ADGRG1: variants seen among roughly 807,000 people sequenced by gnomAD.
The protein encoded by ADGRG1 is adhesion G protein-coupled receptor G1.
In ADGRG1, 53 loss-of-function variants were observed where a neutral mutation model predicts 73.5. That is an observed-to-expected ratio of 0.72 (90% confidence interval 0.58 to 0.91). The LOEUF (loss-of-function observed/expected upper bound fraction) is 0.91, where lower values mean the gene tolerates loss of function less well. Among genes scored for constraint, ADGRG1 ranks in the 40% least tolerant of loss-of-function variants. The probability of loss-of-function intolerance (pLI) is 0.00; values close to 1 mark genes in which losing one functional copy is unlikely to be tolerated. For synonymous variants in ADGRG1, 394 were observed against 374.4 expected (o/e 1.05, Z -0.60); for missense variants, 795 against 871.8 (o/e 0.91, Z 1.11).
rs755004355 is a variant in ADGRG1 at position 57,651,564 on chromosome 16, G to A, written c.429G>A (p.Trp143Ter). The change falls in exon 3 of 14, where the codon TGG (tryptophan) becomes TGA (stop). Residue 143 changes from tryptophan (W) to a stop codon, truncating the protein, a stop_gained. Coordinates refer to ENST00000562631, the MANE Select transcript of ADGRG1 (RefSeq NM_201525.4). LOFTEE classifies it high-confidence loss of function. ...TGTTAGCCACTTCTGTCACCTCCTG[G>A]TGGAGCCCTCAGAACATCAGCCTGC... ...PPLLATSVTS[W>*]WSPQNISLPS... The A allele has an allele frequency of 3.1e-6, 5 of 1,614,156 alleles. No individual in the cohort carries two copies. The highest frequency in any genetic ancestry group is 1.3e-5 in the African/African-American group (1 of 75,054).
chr16:57,656,531 T>C lies in ADGRG1; in HGVS notation c.1081T>C (p.Trp361Arg). The part of the protein sequence containing the change: ...EDPTLSSPGH[W>R]SSAGCETVRR... ...CTCCTCAGTGAGCAGCCCGGGGCAT[T>C]GGAGCAGTGCTGGGTGTGAGACCGT... Residue 361 changes from tryptophan (W) to arginine (R), a missense_variant, in exon 9 of 14, where the codon TGG (tryptophan) becomes CGG (arginine). Coordinates refer to ENST00000562631, the MANE Select transcript of ADGRG1 (RefSeq NM_201525.4). 1 of 1,613,430 alleles carries C rather than the reference T, an allele frequency of 6.2e-7. No homozygotes were observed. Among genetic ancestry groups the C allele is most frequent in the Non-Finnish European group, 8.5e-7 (1 of 1,179,392 alleles).
intron 1 of ADGRG1, chr16:57,641,212 C>A: frequency 1.1e-6 from 1 of 885,152 alleles, no homozygotes; most frequent in Non-Finnish European, 1.4e-6. Flanking sequence ...AGGCTGGCCT[C>A]AAGATTCCAG....
intron 1 of ADGRG1, chr16:57,631,360 C>T: frequency 1.0e-6 from 1 of 985,934 alleles, no homozygotes; most frequent in Non-Finnish European, 1.2e-6. Context: ...TGTGCAGAAG[C>T]TGTGTGCAGG....
At position 57,661,270 on chromosome 16, in the gene ADGRG1, G is replaced by C. The variant is rs984643086; in HGVS notation, c.1664+394G>C. 3.2e-5 allele frequency: 32 copies of C among 985,068 alleles called. No homozygotes were observed. The Admixed American group carries it at 1.2e-3, about 36-fold the overall frequency. The allele number at this position is 985,068 out of a possible 1,614,324, so 61.0% of individuals were successfully genotyped here. On this transcript the variant is annotated intron_variant, in intron 12 of 13. Transcript: ENST00000562631. ...CACACTGAGGGCTGGTGTGCTGTTC[G>C]GAGGCAGAGGATGAGTGGGGTTGAA... is the stretch of plus-strand genomic sequence containing the variant.
chr16:57,641,025 C>T (rs915645332), intron 1 of ADGRG1: 26 of 985,318 alleles, frequency 2.6e-5, no homozygotes, highest in Admixed American at 6.2e-5. Flanking sequence ...TCAGGGGAGA[C>T]GGTTCAGCAT....
At chr16:57,644,530 C>T (rs1184133659) in intron 1 of ADGRG1, among the ~76,000 whole-genome samples, 2 of 145,260 alleles carry the variant, frequency 1.4e-5, no homozygotes, top group Non-Finnish European at 3.0e-5. Context: ...ACTCATCACA[C>T]ACATGCGCAG....
intron 1 of ADGRG1, chr16:57,642,635 A>G (rs1347157005): frequency 3.0e-6 from 3 of 984,572 alleles, no homozygotes; most frequent in Non-Finnish European, 3.6e-6. Context: ...ATGGCCCACA[A>G]GCATTTCTCT....
At chr16:57,660,499 G>C (rs2046823876) in intron 11 of ADGRG1, 4 of 755,122 alleles carry the variant, frequency 5.3e-6, no homozygotes, top group Non-Finnish European at 6.5e-6. Flanking sequence ...CTGCAGCAGA[G>C]ACCCACAGGC....
At chr16:57,634,354 T>C in intron 1 of ADGRG1, 1 of 985,356 alleles carries the variant, frequency 1.0e-6, no homozygotes, top group Non-Finnish European at 1.2e-6. Context: ...CCCTGAGTCA[T>C]GCTCAGCCCT....
intron 1 of ADGRG1, chr16:57,630,538 G>GTCGGGTGATGGAGAACGCCGCT (rs2037531324): frequency 8.1e-6 from 8 of 985,394 alleles, no homozygotes; most frequent in Non-Finnish European, 9.6e-6. Context: ...CTCCGAGAGT[G>GTCGGGTGATGGAGAACGCCGCT]TCGGGTGATG....
intron 8 of ADGRG1, 22 bp from the exon 9 acceptor site, chr16:57,656,492 C>T (rs1417049690): frequency 1.3e-6 from 2 of 1,591,794 alleles, no homozygotes; most frequent in Admixed American, 1.7e-5. Flanking sequence ...TTGATTGGAG[C>T]CCCGTGCTGT....
In ADGRG1 at chr16:57,650,747, C is replaced by T. The variant is rs187835631; in HGVS notation, c.64+396C>T. On this transcript the variant is annotated intron_variant, in intron 2 of 13. Coordinates refer to ENST00000562631, the MANE Select transcript of ADGRG1 (RefSeq NM_201525.4). ...TTTTTGAGACGGAGTCTTGCTCTGT[C>T]GCCCAGGCTGGAGTGCAGTGGCGGG... Among the ~76,000 whole-genome samples the T allele has an allele frequency of 1.1e-3, 136 of 129,508 alleles. No individual in the cohort carries two copies. The East Asian group carries it at 0.028, about 27-fold the overall frequency. 85.0% of individuals were successfully genotyped at this position (129,508 alleles called of 152,430 possible). A position where few individuals can be genotyped will look rare whatever the true frequency, so the allele number is the denominator to read the frequency against.
chr16:57,629,104 A>G (rs2036984258), intron 1 of ADGRG1: 2 of 841,608 alleles, frequency 2.4e-6, no homozygotes, highest in Non-Finnish European at 2.9e-6. Flanking sequence ...GTAAGTGTGG[A>G]TGTGTGCATC....
At chr16:57,639,920 C>T (rs1281784576) in intron 1 of ADGRG1, 1 of 944,472 alleles carries the variant, frequency 1.1e-6, no homozygotes, top group African/African-American at 1.8e-5. Context: ...GATGGTACTC[C>T]AAGGGACTTG....
At chr16:57,630,212 G>T in intron 1 of ADGRG1, 1 of 418,630 alleles carries the variant, frequency 2.4e-6, no homozygotes, top group African/African-American at 2.2e-5. Context: ...CAGCCTGTTG[G>T]CTCCTTGGGG....
At chr16:57,663,340 G>A (rs2148653948) in intron 13 of ADGRG1, 112 bp from the exon 14 acceptor site, 1 of 1,550,850 alleles carries the variant, frequency 6.4e-7, no homozygotes, top group Admixed American at 1.9e-5. Flanking sequence ...CACGTGCTTG[G>A]CAAACACTAT....
chr16:57,639,822 C>T (rs1398253769), intron 1 of ADGRG1: 1 of 908,044 alleles, frequency 1.1e-6, no homozygotes, highest in Non-Finnish European at 1.3e-6. Flanking sequence ...TTATCTTTTT[C>T]CTCTCCCGTG....
chr16:57,634,874 T>G, intron 1 of ADGRG1: 1 of 706,570 alleles, frequency 1.4e-6, no homozygotes, highest in Non-Finnish European at 1.7e-6. Flanking sequence ...AGGCCATGCT[T>G]GTGGGCAGGT....
intron 1 of ADGRG1, chr16:57,630,177 G>GC: frequency 1.5e-5 from 6 of 395,576 alleles, no homozygotes; most frequent in Non-Finnish European, 2.1e-5. Flanking sequence ...CAAGCCCCCT[G>GC]CCCCTCCCAG....
Sources: allele counts gnomAD v4.1 joint callset (sites outside exome capture counted in the v4.1 genomes callset), GRCh38; gene constraint gnomAD v4.1.1; transcripts MANE v1.5; gene names NCBI Gene and HGNC (gene_info 2026-07-23, HGNC 2026-07-21).